The following GALNTL6 variants were observed in gnomAD, a reference collection of about 807,000 sequenced individuals.
The protein encoded by GALNTL6 is polypeptide N-acetylgalactosaminyltransferase like 6.
In GALNTL6, 46 loss-of-function variants were observed where a neutral mutation model predicts 73.7. That is an observed-to-expected ratio of 0.62 (90% confidence interval 0.49 to 0.80). The LOEUF (loss-of-function observed/expected upper bound fraction) is 0.80, where lower values mean the gene tolerates loss of function less well. Among genes scored for constraint, GALNTL6 ranks in the 30% least tolerant of loss-of-function variants. The pLI, the probability that GALNTL6 is intolerant of heterozygous loss-of-function variation, is 0.00. For synonymous variants in GALNTL6, 259 were observed against 263.7 expected (o/e 0.98, Z 0.17); for missense variants, 604 against 755.0 (o/e 0.80, Z 2.34).
intron 2 of GALNTL6, among the ~76,000 whole-genome samples, chr4:172,092,861 A>ATTTTT (rs200326073): frequency 6.8e-6 from 1 of 146,076 alleles, no homozygotes; most frequent in Non-Finnish European, 1.5e-5. Context: ...GCTAAAGCTA[A>ATTTTT]TTTTTTTTCT....
chr4:172,468,141 C>G (rs1732907215), intron 5 of GALNTL6, among the ~76,000 whole-genome samples: 1 of 152,160 alleles, frequency 6.6e-6, no homozygotes, highest in African/African-American at 2.4e-5. Flanking sequence ...ATCCTCCGCC[C>G]TTGGCCTCCC....
chr4:171,852,898 A>C (rs1283385021), intron 2 of GALNTL6, among the ~76,000 whole-genome samples: 1 of 151,638 alleles, frequency 6.6e-6, no homozygotes, highest in Non-Finnish European at 1.5e-5. Flanking sequence ...CCAGGCTGGA[A>C]TGCAGTGGCC....
At chr4:172,447,368 C>T (rs1371251679) in intron 5 of GALNTL6, among the ~76,000 whole-genome samples, 1 of 152,082 alleles carries the variant, frequency 6.6e-6, no homozygotes, top group East Asian at 1.9e-4. Flanking sequence ...TGTGGCTTTG[C>T]AATTTAAAGG....
intron 8 of GALNTL6, among the ~76,000 whole-genome samples, chr4:172,886,404 T>G (rs991751799): frequency 3.9e-5 from 6 of 152,130 alleles, no homozygotes; most frequent in Admixed American, 2.6e-4. Context: ...TCATTTCTGA[T>G]TTTATTTATT....
At chr4:172,661,329 C>T (rs1221753030) in intron 5 of GALNTL6, among the ~76,000 whole-genome samples, 1 of 152,184 alleles carries the variant, frequency 6.6e-6, no homozygotes, top group Non-Finnish European at 1.5e-5. Flanking sequence ...GCCTGCTGGT[C>T]AACTCCATCA....
intron 3 of GALNTL6, among the ~76,000 whole-genome samples, chr4:172,305,253 A>G (rs1346855224): frequency 1.3e-5 from 2 of 152,160 alleles, no homozygotes; most frequent in African/African-American, 4.8e-5. Context: ...AATTAACATA[A>G]ATTACATGTT....
intron 8 of GALNTL6, among the ~76,000 whole-genome samples, chr4:172,925,488 T>G (rs1748016866): frequency 6.6e-6 from 1 of 152,172 alleles, no homozygotes; most frequent in African/African-American, 2.4e-5. Context: ...GCAAACGTAA[T>G]TATCAATCAG....
At chr4:171,841,052 T>C (rs1560809181) in intron 2 of GALNTL6, among the ~76,000 whole-genome samples, 1 of 152,182 alleles carries the variant, frequency 6.6e-6, no homozygotes, top group African/African-American at 2.4e-5. Flanking sequence ...CCGGTACTTG[T>C]ACCAAGGGTG....
intron 5 of GALNTL6, among the ~76,000 whole-genome samples, chr4:172,514,502 G>C (rs965019879): frequency 7.9e-5 from 12 of 152,142 alleles, no homozygotes; most frequent in Admixed American, 7.9e-4. Context: ...CAAGCTACCA[G>C]TCTCTCTGCC....
chr4:172,990,965 G>A lies in GALNTL6; in HGVS notation c.1372-18213G>A, dbSNP rs531595793. Among the ~76,000 whole-genome samples, 347 of 152,204 alleles carry A rather than the reference G, an allele frequency of 2.3e-3. 1 individual carries two copies. Among genetic ancestry groups the A allele is most frequent in the African/African-American group, 7.7e-3 (320 of 41,536 alleles). ...TTAATATACCAAATAAGCTGAATATGTCCCTTTTTGGAATTCAGGGGACCT... is the reference window on the plus strand; with the variant it reads ...TTAATATACCAAATAAGCTGAATATATCCCTTTTTGGAATTCAGGGGACCT... On this transcript the variant is annotated intron_variant, in intron 10 of 12. Transcript: ENST00000506823.
intron 2 of GALNTL6, among the ~76,000 whole-genome samples, chr4:172,228,704 C>A (rs1445655246): frequency 6.6e-6 from 1 of 151,658 alleles, no homozygotes; most frequent in African/African-American, 2.4e-5. Flanking sequence ...TGAAAAAGAA[C>A]AAAAGAAAAA....
intron 5 of GALNTL6, chr4:172,667,022 C>T (rs1028049949): frequency 1.3e-5 from 2 of 152,192 alleles, no homozygotes; most frequent in African/African-American, 4.8e-5. Context: ...GCTATTCCCA[C>T]CAAGTTTAGC....
chr4:172,598,858 T>C (rs1470193791), intron 5 of GALNTL6, among the ~76,000 whole-genome samples: 1 of 152,150 alleles, frequency 6.6e-6, no homozygotes. Context: ...TTATCAACTA[T>C]ATCATCAATA....
intron 5 of GALNTL6, among the ~76,000 whole-genome samples, chr4:172,586,475 G>GAAA (rs5864138): frequency 2.0e-4 from 25 of 127,138 alleles, no homozygotes; most frequent in Admixed American, 3.9e-4. Flanking sequence ...TGGGAATTCA[G>GAAA]AAAAAAAAAA....
At chr4:172,203,999 A>G (rs1007542770) in intron 2 of GALNTL6, among the ~76,000 whole-genome samples, 2 of 151,832 alleles carry the variant, frequency 1.3e-5, no homozygotes, top group African/African-American at 4.8e-5. Flanking sequence ...GCCCACCTCA[A>G]CCTCCCAAAG....
chr4:172,763,001 A>G (rs1406739825), intron 5 of GALNTL6, among the ~76,000 whole-genome samples: 4 of 108,098 alleles, frequency 3.7e-5, no homozygotes, highest in Non-Finnish European at 7.4e-5. Flanking sequence ...ACATCATTGC[A>G]GACAAAAAAA....
intron 5 of GALNTL6, among the ~76,000 whole-genome samples, chr4:172,464,093 G>A (rs574621832): frequency 6.6e-6 from 1 of 151,870 alleles, no homozygotes; most frequent in Non-Finnish European, 1.5e-5. Flanking sequence ...ATGAGACAGG[G>A]TCTTGCTACA....
chr4:172,991,421 C>G (rs1306073891), intron 10 of GALNTL6, among the ~76,000 whole-genome samples: 1 of 151,566 alleles, frequency 6.6e-6, no homozygotes, highest in East Asian at 1.9e-4. Context: ...TGTTTTGAGA[C>G]AGAGTCTTGC....
chr4:171,899,077 T>TATTTAGTATTTATTAATACTAAATACAA, intron 2 of GALNTL6, among the ~76,000 whole-genome samples: 1 of 145,360 alleles, frequency 6.9e-6, no homozygotes, highest in South Asian at 2.2e-4. Flanking sequence ...GTATTACTTT[T>TATTTAGTATTTATTAATACTAAATACAA]ATTTAGTATT....
Sources: allele counts gnomAD v4.1 joint callset (sites outside exome capture counted in the v4.1 genomes callset), GRCh38; gene constraint gnomAD v4.1.1; transcripts MANE v1.5; gene names NCBI Gene and HGNC (gene_info 2026-07-23, HGNC 2026-07-21).